Variants in UNC5A observed in about 807,000 individuals in gnomAD.
UNC5A encodes the protein unc-5 netrin receptor A, also known as netrin receptor UNC5A.
In UNC5A, 20 loss-of-function variants were observed where a neutral mutation model predicts 87.4. That is an observed-to-expected ratio of 0.23 (90% CI 0.16 to 0.33). The LOEUF is 0.33. Ranked by LOEUF, UNC5A falls within the 10% of genes least tolerant of loss-of-function variation. The pLI is 1.00. For missense variants in UNC5A, 844 were observed against 1,133.4 expected, an observed-to-expected ratio of 0.74 and a Z score of 3.67; for synonymous variants, 438 against 482.3, an observed-to-expected ratio of 0.91 and a Z score of 1.20.
intron 1 of UNC5A, among the ~76,000 whole-genome samples, chr5:176,826,829 C>T (rs1487362731): frequency 6.6e-6 from 1 of 151,876 alleles, no homozygotes; most frequent in Non-Finnish European, 1.5e-5. Flanking sequence ...TTGGTAGAGA[C>T]GGGATTTCAC....
chr5:176,856,436 A>G (rs1757668889), intron 1 of UNC5A, among the ~76,000 whole-genome samples: 1 of 152,028 alleles, frequency 6.6e-6, no homozygotes, highest in South Asian at 2.1e-4. Flanking sequence ...CTGAAATTCT[A>G]GAGGGAAAAA....
chr5:176,831,050 G>A (rs189051923), intron 1 of UNC5A, among the ~76,000 whole-genome samples: 3 of 152,016 alleles, frequency 2.0e-5, no homozygotes, highest in East Asian at 1.9e-4. Context: ...TGGCCACACA[G>A]AAGCCCGTTC....
Position 176,880,130 on chromosome 5 carries a change from T to A in UNC5A, c.*244T>A. The A allele has an allele frequency of 1.9e-6, 1 of 524,904 alleles. No homozygotes were observed. Among genetic ancestry groups the A allele is most frequent in the Non-Finnish European group, 3.4e-6 (1 of 294,112 alleles). The allele number at this position is 524,904 out of a possible 1,614,324, so 32.5% of individuals were successfully genotyped here. A position where few individuals can be genotyped will look rare whatever the true frequency, so the allele number is the denominator to read the frequency against. On this transcript the variant is annotated 3_prime_UTR_variant, in exon 15 of 15. Coordinates refer to ENST00000329542, the MANE Select transcript of UNC5A (RefSeq NM_133369.3). ...CCCAGGGCCCAGGAGGGACAGTGCC[T>A]GGAGCCTGGGCCAGGCCCAGCCCAT...
chr5:176,833,969 G>A (rs1757087499), intron 1 of UNC5A, among the ~76,000 whole-genome samples: 1 of 151,906 alleles, frequency 6.6e-6, no homozygotes, highest in South Asian at 2.1e-4. Context: ...CTCCCAAAGT[G>A]CTGGGATTAC....
At chr5:176,816,322 CT>C (rs1756587233) in intron 1 of UNC5A, among the ~76,000 whole-genome samples, 1 of 152,262 alleles carries the variant, frequency 6.6e-6, no homozygotes, top group African/African-American at 2.4e-5. Context: ...GTCCCAACCC[CT>C]AGGCCAGGAA....
At chr5:176,877,796 C>A (rs1446267153) in intron 10 of UNC5A, 93 bp downstream of exon 10, 1 of 1,511,714 alleles carries the variant, frequency 6.6e-7, no homozygotes, top group African/African-American at 1.4e-5. Flanking sequence ...CTGAGCCGCA[C>A]CCCCACCCCT....
intron 1 of UNC5A, among the ~76,000 whole-genome samples, chr5:176,817,565 C>T (rs1254033581): frequency 1.3e-5 from 2 of 151,560 alleles, no homozygotes; most frequent in African/African-American, 4.9e-5. Context: ...GCACCGCCCC[C>T]CACCCCGCCC....
At chr5:176,814,961 T>A (rs547235886) in intron 1 of UNC5A, among the ~76,000 whole-genome samples, 1 of 152,216 alleles carries the variant, frequency 6.6e-6, no homozygotes, top group East Asian at 1.9e-4. Context: ...GGAAACGGCC[T>A]CCTGTCCAGG....
At chr5:176,845,790 G>C (rs948914202) in intron 1 of UNC5A, among the ~76,000 whole-genome samples, 31 of 152,246 alleles carry the variant, frequency 2.0e-4, no homozygotes, top group African/African-American at 7.2e-4. Flanking sequence ...GGGAGACAGA[G>C]AGGGCCTCCT....
intron 2 of UNC5A, among the ~76,000 whole-genome samples, chr5:176,863,332 C>G (rs548225369): frequency 6.6e-6 from 1 of 152,174 alleles, no homozygotes; most frequent in African/African-American, 2.4e-5. Context: ...GCCGGCATGC[C>G]GGTGGTGGGG....
intron 1 of UNC5A, among the ~76,000 whole-genome samples, chr5:176,821,761 C>T (rs957567036): frequency 6.6e-6 from 1 of 152,260 alleles, no homozygotes; most frequent in Non-Finnish European, 1.5e-5. Context: ...AGGTCACTCC[C>T]AGCCCCCTCT....
At chr5:176,846,819 G>A (rs1000239024) in intron 1 of UNC5A, among the ~76,000 whole-genome samples, 4 of 152,218 alleles carry the variant, frequency 2.6e-5, no homozygotes, top group African/African-American at 9.6e-5. Context: ...CCGAGGCCCG[G>A]AGGGAGCTGG....
intron 1 of UNC5A, among the ~76,000 whole-genome samples, chr5:176,845,631 G>A (rs955141849): frequency 6.6e-6 from 1 of 152,230 alleles, no homozygotes; most frequent in African/African-American, 2.4e-5. Flanking sequence ...GGTGAGCCAG[G>A]CCCTGGTCCA....
Position 176,880,013 on chromosome 5 carries a change from C to A in UNC5A, c.*127C>A. Reference sequence around the variant, plus strand: ...CGGACAGGCCCCCTCCCGGCCGAAGCTGTCCCTTAATGCTGGTCCTTCAGA... The same window carrying A: ...CGGACAGGCCCCCTCCCGGCCGAAGATGTCCCTTAATGCTGGTCCTTCAGA... On this transcript the variant is annotated 3_prime_UTR_variant, in exon 15 of 15. Coordinates refer to ENST00000329542, the MANE Select transcript of UNC5A (RefSeq NM_133369.3). 7.7e-7 allele frequency: 1 copy of A among 1,296,108 alleles called. No individual in the cohort carries two copies. Among genetic ancestry groups the A allele is most frequent in the Non-Finnish European group, 1.0e-6 (1 of 967,228 alleles). The allele number at this position is 1,296,108 out of a possible 1,614,324, so 80.3% of individuals were successfully genotyped here.
intron 1 of UNC5A, among the ~76,000 whole-genome samples, chr5:176,834,661 C>T (rs1212078553): frequency 1.4e-5 from 2 of 146,064 alleles, no homozygotes; most frequent in East Asian, 2.0e-4. Flanking sequence ...TCCCACGTCC[C>T]GTCTTCTCTC....
chr5:176,869,035 G>T lies in UNC5A; in HGVS notation c.721+71G>T. 1 of 1,494,352 alleles carries T rather than the reference G, an allele frequency of 6.7e-7. No homozygotes were observed. 92.6% of individuals were successfully genotyped at this position (1,494,352 alleles called of 1,614,324 possible). ...CCCTGGGCAGTGACATGTGGCTGGT[G>T]GGGTGAAGAGAGGCCATGAGGCCAA... is the stretch of plus-strand genomic sequence containing the variant. On this transcript the variant is annotated intron_variant, in intron 5 of 14. Coordinates refer to ENST00000329542, the MANE Select transcript of UNC5A (RefSeq NM_133369.3). The surrounding 1 kb of genome is among the most constrained non-coding windows in gnomAD (Gnocchi z 9.1).
In UNC5A at chr5:176,810,682, G is replaced by A. The variant is rs1561633506; in HGVS notation, c.-69G>A. The A allele has an allele frequency of 1.8e-6, 1 of 564,562 alleles. No individual in the cohort carries two copies. Among genetic ancestry groups the A allele is most frequent in the Non-Finnish European group, 2.3e-6 (1 of 443,154 alleles). 35.0% of individuals were successfully genotyped at this position (564,562 alleles called of 1,614,324 possible). On this transcript the variant is annotated 5_prime_UTR_variant, in exon 1 of 15. Transcript: ENST00000329542. The surrounding 1 kb of genome is among the most constrained non-coding windows in gnomAD (Gnocchi z 7.3). ...GCGCCCCGAGCTGGGGCTCCGGGCTGAGGCGCTAAAGCCGCCCTCCCGCCC... is the reference window on the plus strand; with the variant it reads ...GCGCCCCGAGCTGGGGCTCCGGGCTAAGGCGCTAAAGCCGCCCTCCCGCCC...
In UNC5A at chr5:176,869,068, T is replaced by G; in HGVS notation, c.721+104T>G. The G allele has an allele frequency of 7.6e-7, 1 of 1,316,694 alleles. No homozygotes were observed. Among genetic ancestry groups the G allele is most frequent in the South Asian group, 1.5e-5 (1 of 68,710 alleles). 81.6% of individuals were successfully genotyped at this position (1,316,694 alleles called of 1,614,324 possible). A position where few individuals can be genotyped will look rare whatever the true frequency, so the allele number is the denominator to read the frequency against. Reference sequence around the variant, plus strand: ...GAGAGGCCATGAGGCCAAAGCCAGGTGGACCAGATCGTGCCTGACTAGGCA... The same window carrying G: ...GAGAGGCCATGAGGCCAAAGCCAGGGGGACCAGATCGTGCCTGACTAGGCA... On this transcript the variant is annotated intron_variant, in intron 5 of 14. Transcript: ENST00000329542. This position sits in a 1 kb window ranked among gnomAD's most constrained non-coding sequence, Gnocchi z 9.1.
Position 176,880,370 on chromosome 5 carries a change from G to A in UNC5A, c.*484G>A, listed in dbSNP as rs1290328839. The A allele has an allele frequency of 6.4e-6, 1 of 155,200 alleles. No individual in the cohort carries two copies. The highest frequency in any genetic ancestry group is 1.4e-5 in the Non-Finnish European group (1 of 69,896). The allele number at this position is 155,200 out of a possible 1,614,324, so 9.6% of individuals were successfully genotyped here. Reference sequence around the variant, plus strand: ...CCTGCAGGACCGAGGGCCACAGCCGGACAGGGGGTAGCCCCTGGATTCAGG... The same window carrying A: ...CCTGCAGGACCGAGGGCCACAGCCGAACAGGGGGTAGCCCCTGGATTCAGG... On this transcript the variant is annotated 3_prime_UTR_variant, in exon 15 of 15. Transcript: ENST00000329542.
Sources: gnomAD v4.1 joint callset for allele counts (sites outside exome capture counted in the v4.1 genomes callset) on GRCh38, gnomAD v4.1.1 for gene constraint, Gnocchi (gnomAD v3.1) non-coding constraint, MANE v1.5 for transcripts, NCBI Gene and HGNC (gene_info 2026-07-23, HGNC 2026-07-21) for gene names.